The following THSD4 variants were observed in gnomAD, a reference collection of about 807,000 sequenced individuals.
THSD4 encodes the protein thrombospondin type-1 domain-containing protein 4.
Under a neutral mutation model 119.0 loss-of-function variants are expected in THSD4, and 69 were observed. The ratio of observed to expected loss-of-function variants is 0.58; its 90% CI spans 0.48 to 0.71. The LOEUF (loss-of-function observed/expected upper bound fraction) is 0.71. Among genes scored for constraint, THSD4 ranks in the 30% least tolerant of loss-of-function variants. The pLI, the probability that THSD4 is intolerant of heterozygous loss-of-function variation, is 0.00. For missense variants in THSD4, 1,393 were observed against 1,391.1 expected (o/e 1.00, Z -0.02); for synonymous variants, 524 against 540.4 (o/e 0.97, Z 0.42).
At chr15:71,212,866 G>T (rs1224180438) in intron 3 of THSD4, among the ~76,000 whole-genome samples, 1 of 152,212 alleles carries the variant, frequency 6.6e-6, no homozygotes, top group Non-Finnish European at 1.5e-5. Context: ...GCCCTGGAAA[G>T]TGTTAACTGG....
chr15:71,198,750 G>A (rs1451413277), intron 3 of THSD4, among the ~76,000 whole-genome samples: 2 of 152,210 alleles, frequency 1.3e-5, no homozygotes, highest in East Asian at 3.9e-4. Flanking sequence ...GTAGAGTTAA[G>A]TCTTGTAGCC....
intron 6 of THSD4, among the ~76,000 whole-genome samples, chr15:71,343,945 C>A (rs1032376859): frequency 4.0e-5 from 6 of 151,890 alleles, no homozygotes; most frequent in Middle Eastern, 3.4e-3. Flanking sequence ...AACTCCTGGG[C>A]TCAAGCAATC....
chr15:71,760,633 A>G (rs1595925459), intron 15 of THSD4, among the ~76,000 whole-genome samples: 1 of 152,196 alleles, frequency 6.6e-6, no homozygotes, highest in East Asian at 1.9e-4. Context: ...CACAGTCTCT[A>G]GTCTTCAGGA....
At chr15:71,389,388 A>C (rs2046340037) in intron 6 of THSD4, among the ~76,000 whole-genome samples, 2 of 151,464 alleles carry the variant, frequency 1.3e-5, no homozygotes, top group Admixed American at 6.6e-5. Context: ...GTTATTTGTC[A>C]TTGTGTGACT....
intron 5 of THSD4, among the ~76,000 whole-genome samples, chr15:71,246,829 G>A (rs759441676): frequency 9.9e-5 from 15 of 151,458 alleles, no homozygotes; most frequent in Middle Eastern, 3.2e-3. Flanking sequence ...ATCTGCTGGT[G>A]CAACACTCTC....
chr15:71,466,675 A>G (rs1040274978), intron 7 of THSD4, among the ~76,000 whole-genome samples: 3 of 151,904 alleles, frequency 2.0e-5, no homozygotes, highest in African/African-American at 7.3e-5. Flanking sequence ...CTTGGTAATG[A>G]CCCTCCCTGC....
chr15:71,466,371 C>G (rs945396178), intron 7 of THSD4, among the ~76,000 whole-genome samples: 2 of 151,420 alleles, frequency 1.3e-5, no homozygotes, highest in Non-Finnish European at 2.9e-5. Flanking sequence ...AAAATAGAGG[C>G]CCCAGGAGAA....
At chr15:71,442,664 A>ATGTATGTG (rs1414242246) in intron 7 of THSD4, among the ~76,000 whole-genome samples, 2 of 33,470 alleles carry the variant, frequency 6.0e-5, no homozygotes, top group African/African-American at 9.0e-5. Context: ...GTGTGTGTAT[A>ATGTATGTG]TATATATATA....
At chr15:71,370,397 C>A (rs2046028007) in intron 6 of THSD4, among the ~76,000 whole-genome samples, 1 of 152,132 alleles carries the variant, frequency 6.6e-6, no homozygotes. Context: ...TAGATCTTTC[C>A]TCCTTTCTCT....
chr15:71,491,875 G>GA (rs1305532270), intron 7 of THSD4, among the ~76,000 whole-genome samples: 2 of 150,720 alleles, frequency 1.3e-5, no homozygotes, highest in African/African-American at 2.4e-5. Context: ...TCTCAAAAAA[G>GA]AAAAAAAAGA....
intron 6 of THSD4, among the ~76,000 whole-genome samples, chr15:71,375,785 G>A (rs1195222122): frequency 7.9e-5 from 12 of 152,122 alleles, no homozygotes; most frequent in Admixed American, 7.9e-4. Context: ...GCAAATTCGG[G>A]CCTCACTCCC....
At chr15:71,623,491 A>G (rs1263254394) in intron 7 of THSD4, among the ~76,000 whole-genome samples, 2 of 152,254 alleles carry the variant, frequency 1.3e-5, no homozygotes, top group Non-Finnish European at 2.9e-5. Flanking sequence ...AGCCCATGCT[A>G]TAAAAGAGGA....
At chr15:71,436,227 T>C (rs1595765003) in intron 7 of THSD4, among the ~76,000 whole-genome samples, 1 of 152,196 alleles carries the variant, frequency 6.6e-6, no homozygotes, top group African/African-American at 2.4e-5. Flanking sequence ...GTTTTAGGCC[T>C]ATGTTCTATC....
At chr15:71,335,868 C>A (rs946137893) in intron 6 of THSD4, among the ~76,000 whole-genome samples, 1 of 152,072 alleles carries the variant, frequency 6.6e-6, no homozygotes, top group Non-Finnish European at 1.5e-5. Context: ...AAAATCAAAG[C>A]CCCAAACAGA....
At chr15:71,705,189 A>G (rs1288277709) in intron 8 of THSD4, among the ~76,000 whole-genome samples, 1 of 152,228 alleles carries the variant, frequency 6.6e-6, no homozygotes, top group South Asian at 2.1e-4. Context: ...GAGCAGGGCC[A>G]GAGGGATGGG....
chr15:71,229,582 G>A (rs1483775529), intron 4 of THSD4, among the ~76,000 whole-genome samples: 3 of 152,160 alleles, frequency 2.0e-5, no homozygotes, highest in African/African-American at 4.8e-5. Flanking sequence ...GTCTATGCAT[G>A]TTCAATATTG....
chr15:71,591,315 CCCTGTTGTG>C (rs1295131692), intron 7 of THSD4, among the ~76,000 whole-genome samples: 2 of 152,176 alleles, frequency 1.3e-5, no homozygotes, highest in African/African-American at 4.8e-5. Context: ...TTCAAGGCTG[CCCTGTTGTG>C]CCTACCTTTG....
At chr15:71,338,176 T>C (rs1321880359) in intron 6 of THSD4, among the ~76,000 whole-genome samples, 2 of 151,826 alleles carry the variant, frequency 1.3e-5, no homozygotes, top group Admixed American at 1.3e-4. Flanking sequence ...AATCCTGGAG[T>C]TTCCCTAATT....
intron 7 of THSD4, among the ~76,000 whole-genome samples, chr15:71,548,187 A>T (rs2140852847): frequency 6.6e-6 from 1 of 151,832 alleles, no homozygotes; most frequent in South Asian, 2.1e-4. Context: ...TTGAGTCCAG[A>T]GAGGGAAGCA....
Sources: gnomAD v4.1 joint callset for allele counts (sites outside exome capture counted in the v4.1 genomes callset) on GRCh38, gnomAD v4.1.1 for gene constraint, MANE v1.5 for transcripts, NCBI Gene and HGNC (gene_info 2026-07-23, HGNC 2026-07-21) for gene names.